PKIB: variants seen among roughly 807,000 people sequenced by gnomAD.
The protein encoded by PKIB is PKI-beta.
PKIB carries 2 observed loss-of-function variants against 4.5 expected under a neutral mutation model. The observed-to-expected ratio is 0.44, with a 90% CI of 0.18 to 1.39. The LOEUF is 1.39. Among genes scored for constraint, PKIB ranks in the 40% most tolerant of loss-of-function variants. PKIB has a pLI of 0.27. For missense variants in PKIB, 94 were observed against 92.6 expected (o/e 1.02, Z -0.06); for synonymous variants, 38 against 36.0 (o/e 1.06, Z -0.20).
upstream of PKIB, among the ~76,000 whole-genome samples, chr6:122,607,077 A>T (rs541363732): frequency 2.2e-4 from 32 of 146,824 alleles, no homozygotes; most frequent in East Asian, 2.2e-3. Context: ...TCCCCTTGGT[A>T]AAAAAAAAAA....
intron 2 of PKIB, among the ~76,000 whole-genome samples, chr6:122,667,514 G>T (rs1367208698): frequency 8.1e-6 from 1 of 123,576 alleles, no homozygotes; most frequent in South Asian, 3.2e-4. Context: ...TCCAGCCTGG[G>T]GGACAAAGCA....
chr6:122,502,175 A>G (rs1023148372), intron 2 of PKIB, among the ~76,000 whole-genome samples: 4 of 151,866 alleles, frequency 2.6e-5, no homozygotes, highest in Non-Finnish European at 5.9e-5. Context: ...AAAAATTAAC[A>G]AGTCTCTAGG....
At chr6:122,580,477 G>A (rs1214148938) in intron 2 of PKIB, among the ~76,000 whole-genome samples, 1 of 152,084 alleles carries the variant, frequency 6.6e-6, no homozygotes, top group African/African-American at 2.4e-5. Flanking sequence ...TTTCACCTAT[G>A]TTATGCTTTT....
rs1312836917 is a variant in PKIB, at chr6:122,717,837, G to T, written c.43G>T (p.Val15Phe). Reference protein sequence around the residue: ...SSKMTDVESGVANFASSARAG... With the variant: ...SSKMTDVESGFANFASSARAG... ...AAAAATGACTGACGTGGAGTCTGGG[G>T]TCGCCAATTTTGCATCTTCAGCAAG... Residue 15 changes from valine to phenylalanine, a missense_variant, in exon 4 of 5, where the codon GTC (valine) becomes TTC (phenylalanine). Coordinates refer to ENST00000368452, the MANE Select transcript of PKIB (RefSeq NM_181795.3). The T allele has an allele frequency of 1.9e-6, 3 of 1,613,978 alleles. No homozygotes were observed. Among genetic ancestry groups the T allele is most frequent in the Middle Eastern group, 1.6e-4 (1 of 6,084 alleles).
chr6:122,537,317 T>A (rs986057172), intron 2 of PKIB, among the ~76,000 whole-genome samples: 1 of 151,894 alleles, frequency 6.6e-6, no homozygotes, highest in Admixed American at 6.6e-5. Context: ...TCCCTCCCCC[T>A]CCCTGCACCC....
chr6:122,554,474 A>G (rs1342166928), intron 2 of PKIB, among the ~76,000 whole-genome samples: 1 of 152,224 alleles, frequency 6.6e-6, no homozygotes, highest in Middle Eastern at 3.2e-3. Flanking sequence ...TATAAGGCAC[A>G]TGATACTCAT....
intron 3 of PKIB, among the ~76,000 whole-genome samples, chr6:122,710,351 G>A (rs1486976038): frequency 1.3e-5 from 2 of 152,102 alleles, no homozygotes; most frequent in African/African-American, 4.8e-5. Context: ...TTGTAGGGAA[G>A]AGTACAAGCA....
Position 122,623,900 on chromosome 6 carries a change from T to C in PKIB, c.-160-9383T>C, listed in dbSNP as rs11154095. Among the ~76,000 whole-genome samples the C allele has an allele frequency of 1.8e-3, 267 of 152,236 alleles. 1 individual carries two copies. The highest frequency in any genetic ancestry group is 6.1e-3 in the African/African-American group (253 of 41,526). ...AGGAGCAATCTGTTTATCTTTCTTG[T>C]GTAAGAGTATTAATAAATCTAAAAC... On this transcript the variant is annotated intron_variant, in intron 1 of 4. Coordinates refer to ENST00000368452, the MANE Select transcript of PKIB (RefSeq NM_181795.3).
intron 2 of PKIB, among the ~76,000 whole-genome samples, chr6:122,658,929 A>C (rs1776881940): frequency 6.7e-6 from 1 of 150,254 alleles, no homozygotes. Flanking sequence ...GGTTGAACAA[A>C]AAAGAATCAT....
Position 122,627,927 on chromosome 6 carries a change from T to G in PKIB, c.-160-5356T>G, listed in dbSNP as rs147893162. Among the ~76,000 whole-genome samples the G allele has an allele frequency of 1.2e-3, 188 of 152,256 alleles. 3 individuals are homozygous for G. The East Asian group carries it at 0.021, about 17-fold the overall frequency. ...AATAAATAAGTAAACTCATACAAGA[T>G]TTTAACTGTATATCATCTTACAGAA... On this transcript the variant is annotated intron_variant, in intron 1 of 4. Transcript: ENST00000368452.
intron 2 of PKIB, chr6:122,643,921 T>C (rs1463913799): frequency 6.6e-6 from 1 of 152,218 alleles, no homozygotes; most frequent in African/African-American, 2.4e-5. Context: ...TAATTATTGG[T>C]AAAGTCTTTA....
chr6:122,639,267 CAACA>C (rs1776039378), intron 2 of PKIB, among the ~76,000 whole-genome samples: 2 of 152,036 alleles, frequency 1.3e-5, no homozygotes, highest in Admixed American at 6.6e-5. Context: ...ACAAAACAAC[CAACA>C]AACAAAGGAG....
chr6:122,638,239 A>C (rs1195733744), intron 2 of PKIB, among the ~76,000 whole-genome samples: 2 of 152,154 alleles, frequency 1.3e-5, no homozygotes, highest in Non-Finnish European at 2.9e-5. Context: ...ATGACCAATA[A>C]TTTTTTTAAA....
chr6:122,593,964 C>T (rs2114728891), intron 3 of PKIB, among the ~76,000 whole-genome samples: 1 of 152,120 alleles, frequency 6.6e-6, no homozygotes, highest in African/African-American at 2.4e-5. Context: ...CAGTATTAAC[C>T]AACACAAGTC....
At chr6:122,585,653 G>T (rs1003080247) in intron 2 of PKIB, 4 of 152,108 alleles carry the variant, frequency 2.6e-5, no homozygotes, top group Admixed American at 6.6e-5. Flanking sequence ...AATTAATTAT[G>T]TAAGTGAACA....
intron 2 of PKIB, chr6:122,481,402 A>G (rs1490002058): frequency 6.6e-6 from 1 of 152,240 alleles, no homozygotes; most frequent in African/African-American, 2.4e-5. Context: ...GTAATCATGG[A>G]TTAGATACTG....
At chr6:122,696,426 T>A (rs1778572965) in intron 3 of PKIB, among the ~76,000 whole-genome samples, 1 of 152,204 alleles carries the variant, frequency 6.6e-6, no homozygotes, top group Non-Finnish European at 1.5e-5. Flanking sequence ...GGAGATTGAA[T>A]AATAAAAATT....
intron 3 of PKIB, among the ~76,000 whole-genome samples, chr6:122,708,129 AAGC>A (rs1413076596): frequency 6.6e-6 from 1 of 152,164 alleles, no homozygotes; most frequent in Admixed American, 6.6e-5. Context: ...GACAGACAAT[AAGC>A]AACAACTGCA....
At chr6:122,603,403 C>T (rs923923989) in intron 3 of PKIB, among the ~76,000 whole-genome samples, 1 of 152,126 alleles carries the variant, frequency 6.6e-6, no homozygotes, top group African/African-American at 2.4e-5. Context: ...TAGATCTAAC[C>T]CAATCTTAGA....
Sources: allele counts gnomAD v4.1 joint callset (sites outside exome capture counted in the v4.1 genomes callset), GRCh38; gene constraint gnomAD v4.1.1; transcripts MANE v1.5; gene names NCBI Gene and HGNC (gene_info 2026-07-23, HGNC 2026-07-21).